TNFRSF11A: variants seen among roughly 807,000 people sequenced by gnomAD.
The protein encoded by TNFRSF11A is tumor necrosis factor receptor superfamily member 11A.
A neutral mutation model predicts 55.7 loss-of-function variants in TNFRSF11A; 32 were observed. The observed-to-expected ratio is 0.57, with a 90% CI of 0.43 to 0.77. The LOEUF (loss-of-function observed/expected upper bound fraction) is 0.77. Among genes scored for constraint, TNFRSF11A ranks in the 30% least tolerant of loss-of-function variants. The pLI is 0.00. For synonymous variants in TNFRSF11A, 311 were observed against 331.0 expected, an observed-to-expected ratio of 0.94 and a Z score of 0.65; for missense variants, 753 against 809.8, an observed-to-expected ratio of 0.93 and a Z score of 0.85.
In TNFRSF11A at chr18:62,386,801, C is replaced by G. The variant is rs1426534214; in HGVS notation, c.*1767C>G. 2 of 152,106 alleles carry G rather than the reference C, an allele frequency of 1.3e-5. No homozygotes were observed. Among genetic ancestry groups the G allele is most frequent in the Non-Finnish European group, 2.9e-5 (2 of 68,022 alleles). The allele number at this position is 152,106 out of a possible 1,614,324, so 9.4% of individuals were successfully genotyped here. On this transcript the variant is annotated 3_prime_UTR_variant, in exon 10 of 10. Transcript: ENST00000586569. ...GGACAGTTCTGTAATTTATGGGACT[C>G]CTTAGCCAACATAAAGAACTGCAGG...
intron 9 of TNFRSF11A, among the ~76,000 whole-genome samples, chr18:62,381,176 A>G (rs552461426): frequency 2.3e-4 from 35 of 152,222 alleles, no homozygotes; most frequent in Non-Finnish European, 2.5e-4. Context: ...CTACTTAGGC[A>G]AAAGGGTTTG....
intron 9 of TNFRSF11A, among the ~76,000 whole-genome samples, chr18:62,371,207 G>A (rs920790161): frequency 9.2e-5 from 14 of 152,186 alleles, no homozygotes; most frequent in African/African-American, 3.4e-4. Flanking sequence ...TGTGGGGAGC[G>A]AGAAAGCTGA....
intron 1 of TNFRSF11A, among the ~76,000 whole-genome samples, chr18:62,329,944 T>G (rs929995146): frequency 5.9e-5 from 9 of 152,166 alleles, no homozygotes; most frequent in African/African-American, 2.2e-4. Flanking sequence ...TTTAGGGCCG[T>G]GTGATGATGA....
At chr18:62,353,678 C>G (rs146002618) in intron 3 of TNFRSF11A, among the ~76,000 whole-genome samples, 1 of 151,904 alleles carries the variant, frequency 6.6e-6, no homozygotes, top group African/African-American at 2.4e-5. Context: ...TAATTTGATT[C>G]ATATTTGTGT....
intron 8 of TNFRSF11A, among the ~76,000 whole-genome samples, chr18:62,368,301 G>A (rs568097269): frequency 7.2e-5 from 11 of 152,190 alleles, no homozygotes; most frequent in African/African-American, 2.6e-4. Context: ...ATAGAACGTA[G>A]TTTCAGAATT....
In TNFRSF11A at chr18:62,361,808, G is replaced by A; in HGVS notation, c.730+15G>A. The A allele has an allele frequency of 6.2e-7, 1 of 1,608,614 alleles. No homozygotes were observed. The highest frequency in any genetic ancestry group is 8.5e-7 in the Non-Finnish European group (1 of 1,174,984). On this transcript the variant is annotated intron_variant, in intron 7 of 9. Coordinates refer to ENST00000586569, the MANE Select transcript of TNFRSF11A (RefSeq NM_003839.4). ...AGCACTCACAGGTATTGTGTCTATG[G>A]TGGTTTTTGCAAACCAATCTTAAAA... is the stretch of plus-strand genomic sequence containing the variant.
chr18:62,339,154 T>A (rs2046276356), intron 1 of TNFRSF11A, among the ~76,000 whole-genome samples: 1 of 152,092 alleles, frequency 6.6e-6, no homozygotes, highest in African/African-American at 2.4e-5. Context: ...GACCCTCCCT[T>A]CCTTCTACAA....
intron 8 of TNFRSF11A, among the ~76,000 whole-genome samples, chr18:62,368,248 A>G (rs138976082): frequency 2.6e-5 from 4 of 152,226 alleles, no homozygotes; most frequent in African/African-American, 7.2e-5. Context: ...CCTGGCTCCT[A>G]TTATTCTCAG....
At chr18:62,337,019 GA>G (rs769225955) in intron 1 of TNFRSF11A, among the ~76,000 whole-genome samples, 5 of 151,086 alleles carry the variant, frequency 3.3e-5, no homozygotes, top group African/African-American at 4.9e-5. Context: ...AAGGTGGTCA[GA>G]GGGGGAAATG....
intron 9 of TNFRSF11A, chr18:62,378,007 T>C (rs1911015993): frequency 6.6e-6 from 1 of 152,104 alleles, no homozygotes; most frequent in Non-Finnish European, 1.5e-5. Context: ...TGGGAAGAGT[T>C]ACCCTCCTGG....
chr18:62,347,128 C>G (rs1459087483), intron 1 of TNFRSF11A, among the ~76,000 whole-genome samples: 1 of 152,168 alleles, frequency 6.6e-6, no homozygotes, highest in African/African-American at 2.4e-5. Flanking sequence ...AGGTAGGGCC[C>G]ATCTGGTATG....
At chr18:62,359,133 C>T (rs907690598) in intron 5 of TNFRSF11A, among the ~76,000 whole-genome samples, 4 of 152,144 alleles carry the variant, frequency 2.6e-5, no homozygotes, top group Non-Finnish European at 5.9e-5. Context: ...TGCCTGTAAT[C>T]CCAGCTACTC....
In TNFRSF11A at chr18:62,354,541, G is replaced by A; in HGVS notation, c.427+7G>A. On this transcript the variant is annotated splice_region_variant and intron_variant, in intron 4 of 9. Coordinates refer to ENST00000586569, the MANE Select transcript of TNFRSF11A (RefSeq NM_003839.4). The stretch of plus-strand genomic sequence containing the variant: ...CTGGGCGCCCAGCACCCGTGTACGG[G>A]TTGGATGTGTGCGTCTGTCGGCTCT... The A allele has an allele frequency of 6.2e-7, 1 of 1,602,572 alleles. No individual in the cohort carries two copies. Among genetic ancestry groups the A allele is most frequent in the Non-Finnish European group, 8.5e-7 (1 of 1,179,478 alleles).
chr18:62,339,819 T>C (rs2046286162), intron 1 of TNFRSF11A, among the ~76,000 whole-genome samples: 1 of 152,156 alleles, frequency 6.6e-6, no homozygotes, highest in African/African-American at 2.4e-5. Context: ...TCAGACTCGC[T>C]CTTACCCGGT....
chr18:62,369,906 C>A (rs1391949160), intron 9 of TNFRSF11A, among the ~76,000 whole-genome samples: 1 of 152,092 alleles, frequency 6.6e-6, no homozygotes, highest in Non-Finnish European at 1.5e-5. Context: ...AAATCTCCCC[C>A]AAGAAAGCAC....
chr18:62,358,216 G>A (rs772128691), intron 4 of TNFRSF11A, 32 bp from the exon 5 acceptor site: 1 of 1,565,368 alleles, frequency 6.4e-7, no homozygotes, highest in South Asian at 1.1e-5. Flanking sequence ...TGTTTGTTCT[G>A]TCTGGGTTGT....
chr18:62,371,495 G>A (rs545595480), intron 9 of TNFRSF11A, among the ~76,000 whole-genome samples: 1 of 152,294 alleles, frequency 6.6e-6, no homozygotes, highest in South Asian at 2.1e-4. Flanking sequence ...AAACCATCTA[G>A]GGATGGAGAA....
At chr18:62,331,586 C>T (rs147052614) in intron 1 of TNFRSF11A, among the ~76,000 whole-genome samples, 14 of 152,262 alleles carry the variant, frequency 9.2e-5, no homozygotes, top group Admixed American at 7.2e-4. Context: ...AGAAGTTCAG[C>T]GTAGAGACAG....
intron 7 of TNFRSF11A, among the ~76,000 whole-genome samples, chr18:62,364,462 G>A (rs149254914): frequency 5.3e-5 from 8 of 152,280 alleles, no homozygotes; most frequent in East Asian, 3.9e-4. Flanking sequence ...TACAGTGAGA[G>A]TAGATGCAGG....
Sources: allele counts gnomAD v4.1 joint callset (sites outside exome capture counted in the v4.1 genomes callset), GRCh38; gene constraint gnomAD v4.1.1; transcripts MANE v1.5; gene names NCBI Gene and HGNC (gene_info 2026-07-23, HGNC 2026-07-21).